Variants in ELAPOR1 observed in about 807,000 individuals in gnomAD.
ELAPOR1 encodes the protein endosome/lysosome-associated apoptosis and autophagy regulator 1.
ELAPOR1 carries 77 observed loss-of-function variants against 119.7 expected under a neutral mutation model. The observed-to-expected ratio is 0.64, with a 90% CI of 0.54 to 0.78. The LOEUF (loss-of-function observed/expected upper bound fraction) is 0.78, where lower values mean the gene tolerates loss of function less well. ELAPOR1 is among the 30% of genes least tolerant of loss of function. The pLI, the probability that ELAPOR1 is intolerant of heterozygous loss-of-function variation, is 0.00. For synonymous variants in ELAPOR1, 481 were observed against 487.2 expected (o/e 0.99, Z 0.17); for missense variants, 1,115 against 1,270.4 (o/e 0.88, Z 1.86).
chr1:109,182,998 T>C (rs1049669716), intron 7 of ELAPOR1, among the ~76,000 whole-genome samples: 15 of 152,260 alleles, frequency 9.9e-5, no homozygotes, highest in Admixed American at 2.6e-4. Flanking sequence ...GAAGTAGTGG[T>C]GGCAGTAGTA....
intron 1 of ELAPOR1, among the ~76,000 whole-genome samples, chr1:109,144,053 A>ATATTT (rs1650004030): frequency 2.2e-5 from 2 of 89,792 alleles, no homozygotes; most frequent in African/African-American, 5.3e-5. Context: ...ATATATATAT[A>ATATTT]TTTATATATT....
intron 1 of ELAPOR1, among the ~76,000 whole-genome samples, chr1:109,138,532 A>T (rs1238940293): frequency 7.0e-6 from 1 of 143,574 alleles, no homozygotes; most frequent in African/African-American, 2.5e-5. Flanking sequence ...TGTCAAACAC[A>T]GTATGAAAAA....
chr1:109,171,103 C>T (rs185793632), intron 3 of ELAPOR1, among the ~76,000 whole-genome samples: 17 of 152,294 alleles, frequency 1.1e-4, no homozygotes, highest in Admixed American at 6.5e-4. Flanking sequence ...CCCTGCCACT[C>T]GCTGCTTCGT....
chr1:109,127,466 G>A (rs1442775100), intron 1 of ELAPOR1, among the ~76,000 whole-genome samples: 1 of 151,876 alleles, frequency 6.6e-6, no homozygotes, highest in Non-Finnish European at 1.5e-5. Context: ...CACCTGCCTT[G>A]GCCTCCCGAA....
chr1:109,162,865 C>A (rs1273316624), intron 2 of ELAPOR1, among the ~76,000 whole-genome samples: 1 of 152,252 alleles, frequency 6.6e-6, no homozygotes, highest in Non-Finnish European at 1.5e-5. Flanking sequence ...GTGAGTCCCA[C>A]TATGTGTTAG....
At chr1:109,131,352 C>T (rs1249943175) in intron 1 of ELAPOR1, among the ~76,000 whole-genome samples, 2 of 152,158 alleles carry the variant, frequency 1.3e-5, no homozygotes, top group African/African-American at 4.8e-5. Context: ...TCATCAAAAG[C>T]AAGTCACGAA....
chr1:109,118,815 G>C (rs1648194368), intron 1 of ELAPOR1, among the ~76,000 whole-genome samples: 1 of 152,144 alleles, frequency 6.6e-6, no homozygotes, highest in African/African-American at 2.4e-5. Flanking sequence ...GTAGTCAGGG[G>C]AGAAAGTCCT....
Position 109,171,999 on chromosome 1 carries a change from A to C in ELAPOR1, c.601A>C (p.Ile201Leu). The change falls in exon 4 of 22, where the codon ATC becomes CTC. Residue 201 changes from isoleucine (I) to leucine (L), a missense_variant. Physicochemically the swap from Ile to Leu is conservative, Grantham distance 5. Coordinates refer to ENST00000369939, the MANE Select transcript of ELAPOR1 (RefSeq NM_020775.5). ...FEYYYPDSSIIFEFFVQNDQC... is the reference protein window; with the variant it reads ...FEYYYPDSSILFEFFVQNDQC... ...ATACTACTATCCAGACTCCAGCATC[A>C]TCTTTGAGTTTTTCGTAAGCCCCTG... The C allele has an allele frequency of 6.2e-7, 1 of 1,614,180 alleles. No homozygotes were observed. The highest frequency in any genetic ancestry group is 8.5e-7 in the Non-Finnish European group (1 of 1,180,024).
chr1:109,177,234 G>A (rs1652367366), intron 7 of ELAPOR1, among the ~76,000 whole-genome samples: 2 of 146,544 alleles, frequency 1.4e-5, no homozygotes, highest in Middle Eastern at 3.3e-3. Context: ...CGGGCGGGGG[G>A]CTGACCCCCC....
At position 109,204,720 on chromosome 1, in the gene ELAPOR1, C is replaced by G. The variant is rs756238472; in HGVS notation, c.*1708C>G. On this transcript the variant is annotated 3_prime_UTR_variant, in exon 22 of 22. Coordinates refer to ENST00000369939, the MANE Select transcript of ELAPOR1 (RefSeq NM_020775.5). The stretch of plus-strand genomic sequence containing the variant: ...AAAGGAACTGAATCCCAGGCCCATA[C>G]GCCAGCACCAGAATCAAACCAGTCT... 6.6e-6 allele frequency: 1 copy of G among 152,282 alleles called. No individual in the cohort carries two copies. Among genetic ancestry groups the G allele is most frequent in the African/African-American group, 2.4e-5 (1 of 41,448 alleles). 9.4% of individuals were successfully genotyped at this position (152,282 alleles called of 1,614,324 possible). A position where few individuals can be genotyped will look rare whatever the true frequency, so the allele number is the denominator to read the frequency against.
chr1:109,202,377 C>A (rs1409583071), intron 21 of ELAPOR1, among the ~76,000 whole-genome samples: 1 of 151,766 alleles, frequency 6.6e-6, no homozygotes, highest in Non-Finnish European at 1.5e-5. Flanking sequence ...GCTTTGGCCT[C>A]CCAAAGTGCT....
intron 21 of ELAPOR1, among the ~76,000 whole-genome samples, chr1:109,202,445 A>AT (rs76580715): frequency 3.4e-5 from 5 of 145,524 alleles, no homozygotes; most frequent in African/African-American, 5.1e-5. Context: ...AAAGAAAAAA[A>AT]TTTTTTTTTT....
chr1:109,126,736 G>C (rs1343027751), intron 1 of ELAPOR1, among the ~76,000 whole-genome samples: 3 of 152,162 alleles, frequency 2.0e-5, no homozygotes, highest in Non-Finnish European at 2.9e-5. Context: ...CTCCCAAAAT[G>C]CTGGGATTAC....
intron 1 of ELAPOR1, among the ~76,000 whole-genome samples, chr1:109,131,691 A>G (rs1454484248): frequency 6.6e-6 from 1 of 152,194 alleles, no homozygotes; most frequent in African/African-American, 2.4e-5. Context: ...GTGAATATAA[A>G]CAGAGGGCTT....
At chr1:109,138,817 A>T (rs565590903) in intron 1 of ELAPOR1, among the ~76,000 whole-genome samples, 1 of 133,264 alleles carries the variant, frequency 7.5e-6, no homozygotes, top group Non-Finnish European at 1.6e-5. Context: ...CTGGGCAACA[A>T]GAGTGAAACT....
At chr1:109,195,589 G>A (rs994265863) in intron 15 of ELAPOR1, among the ~76,000 whole-genome samples, 7 of 152,062 alleles carry the variant, frequency 4.6e-5, no homozygotes, top group Non-Finnish European at 8.8e-5. Flanking sequence ...GCTTGAAAAA[G>A]CAGTCTTCAG....
rs1651477622 is a variant in ELAPOR1 at position 109,164,698 on chromosome 1, C to T, written c.467+7C>T. 2.5e-6 allele frequency: 4 copies of T among 1,607,050 alleles called. No individual in the cohort carries two copies. In the African/African-American group the frequency reaches 5.3e-5, roughly 21 times the overall value. The stretch of plus-strand genomic sequence containing the variant: ...CCACCGGGAACTGTACTTCGTGAGT[C>T]TGCACACACCCCCACCCCACCCCCA... On this transcript the variant is annotated splice_region_variant and intron_variant, in intron 3 of 21. Transcript: ENST00000369939.
intron 1 of ELAPOR1, among the ~76,000 whole-genome samples, chr1:109,127,401 A>G (rs1648852966): frequency 6.6e-6 from 1 of 151,670 alleles, no homozygotes; most frequent in Non-Finnish European, 1.5e-5. Context: ...ATTTTAGTAG[A>G]GATGGGGTTT....
intron 1 of ELAPOR1, among the ~76,000 whole-genome samples, chr1:109,155,035 A>G (rs1016962246): frequency 2.0e-5 from 3 of 152,116 alleles, no homozygotes; most frequent in Non-Finnish European, 4.4e-5. Context: ...TCCCCGTCCC[A>G]TCCTTGCTAG....
Sources: allele counts gnomAD v4.1 joint callset (sites outside exome capture counted in the v4.1 genomes callset), GRCh38; gene constraint gnomAD v4.1.1; transcripts MANE v1.5; gene names NCBI Gene and HGNC (gene_info 2026-07-23, HGNC 2026-07-21).